The following MEFV variants were observed in gnomAD, a reference collection of about 807,000 sequenced individuals.
The protein encoded by MEFV is MEFV innate immunity regulator, pyrin.
MEFV carries 60 observed loss-of-function variants against 62.5 expected under a neutral mutation model. That is an observed-to-expected ratio of 0.96 (90% CI 0.78 to 1.19). MEFV has a LOEUF of 1.19. Ranked by LOEUF, MEFV falls within the 50% of genes most tolerant of loss-of-function variation. The pLI, the probability that MEFV is intolerant of heterozygous loss-of-function variation, is 0.00. For missense variants in MEFV, 1,169 were observed against 1,004.5 expected (o/e 1.16, Z -2.21); for synonymous variants, 500 against 415.2 (o/e 1.20, Z -2.48).
chr16:3,255,051 G>A (rs966668831), intron 1 of MEFV, among the ~76,000 whole-genome samples: 1 of 152,278 alleles, frequency 6.6e-6, no homozygotes, highest in African/African-American at 2.4e-5. Context: ...GCGTGGTGGC[G>A]CATGCCTGTA....
chr16:3,253,245 C>G (rs924988253), intron 2 of MEFV, among the ~76,000 whole-genome samples: 1 of 152,072 alleles, frequency 6.6e-6, no homozygotes, highest in African/African-American at 2.4e-5. Flanking sequence ...TGTTATAAGG[C>G]TAAAGGTCCC....
chr16:3,243,838 T>C, intron 9 of MEFV, 22 bp downstream of exon 9: 4 of 1,613,462 alleles, frequency 2.5e-6, no homozygotes, highest in Non-Finnish European at 3.4e-6. Flanking sequence ...CCAGGGCCAC[T>C]TGCCTTGATC....
chr16:3,251,780 A>G (rs540307403), intron 2 of MEFV, among the ~76,000 whole-genome samples: 48 of 152,172 alleles, frequency 3.2e-4, no homozygotes, highest in Non-Finnish European at 6.0e-4. Flanking sequence ...TTGGATTCTA[A>G]AGATGGTCTT....
chr16:3,253,931 G>A (rs1461721393), intron 2 of MEFV, among the ~76,000 whole-genome samples: 2 of 152,000 alleles, frequency 1.3e-5, no homozygotes, highest in Non-Finnish European at 2.9e-5. Context: ...GATTACAGGC[G>A]AGAGCTACCA....
intron 2 of MEFV, chr16:3,252,193 G>A (rs765392529): frequency 3.3e-4 from 61 of 182,232 alleles, no homozygotes; most frequent in Non-Finnish European, 6.1e-4. Context: ...AAGACCCAGG[G>A]ACTTCTGGAT....
chr16:3,249,578 G>GT lies in MEFV; in HGVS notation c.1112_1113insA (p.Leu372ProfsTer5). 1 of 1,614,226 alleles carries GT rather than the reference G, an allele frequency of 6.2e-7. No homozygotes were observed. Among genetic ancestry groups the GT allele is most frequent in the Non-Finnish European group, 8.5e-7 (1 of 1,180,040 alleles). ...TCAGGTGGCGCTTACACTGTGGCAG[G>GT]GGCTGGGGGCTTAGGCTTCCCGGGC... On this transcript the variant is annotated frameshift_variant, in exon 3 of 10. Coordinates refer to ENST00000219596, the MANE Select transcript of MEFV (RefSeq NM_000243.3). LOFTEE classifies it high-confidence loss of function.
chr16:3,245,385 C>T (rs170384), intron 6 of MEFV, among the ~76,000 whole-genome samples: 89,888 of 151,452 alleles, frequency 0.59, 26,986 homozygotes, highest in South Asian at 0.73. Context: ...CTCACGCCTG[C>T]AATCCCAGCG....
At chr16:3,244,373 C>G in intron 7 of MEFV, 87 bp from the exon 8 acceptor site, 2 of 1,606,682 alleles carry the variant, frequency 1.2e-6, no homozygotes, top group Non-Finnish European at 1.7e-6. Context: ...GGCAGGTCAG[C>G]AAGACCAGGG....
At chr16:3,245,370 G>T (rs986124622) in intron 6 of MEFV, among the ~76,000 whole-genome samples, 1 of 152,140 alleles carries the variant, frequency 6.6e-6, no homozygotes, top group Non-Finnish European at 1.5e-5. Context: ...GGCTGGGCAC[G>T]GTGGCTCACG....
chr16:3,254,916 C>T (rs982143301), intron 1 of MEFV, 126 bp from the exon 2 acceptor site: 36 of 1,486,378 alleles, frequency 2.4e-5, no homozygotes, highest in Non-Finnish European at 3.1e-5. Flanking sequence ...ACGGGCCGGG[C>T]GCGGTGGCTC....
At position 3,244,556 on chromosome 16, in the gene MEFV, G is replaced by C. The variant is rs550970304; in HGVS notation, c.1643C>G (p.Thr548Ser). ...CTTTTGTTTTATCTCTTGAGGAGTG[G>C]TCCACTTTTCAGGGACAGGCACTGT... ...AKTVPVPEKW[T>S]TPQEIKQKIQ... The change falls in exon 7 of 10, where the codon ACC becomes AGC. Residue 548 changes from threonine (T) to serine (S), a missense_variant. Physicochemically the swap from Thr to Ser is moderately conservative, Grantham distance 58. Coordinates refer to ENST00000219596, the MANE Select transcript of MEFV (RefSeq NM_000243.3). The C allele has an allele frequency of 6.2e-7, 1 of 1,614,112 alleles. No homozygotes were observed. Among genetic ancestry groups the C allele is most frequent in the East Asian group, 2.2e-5 (1 of 44,890 alleles).
chr16:3,250,476 G>C (rs1379687346), intron 2 of MEFV, among the ~76,000 whole-genome samples: 4 of 152,074 alleles, frequency 2.6e-5, no homozygotes, highest in African/African-American at 9.7e-5. Flanking sequence ...AGGTGTGGTG[G>C]TGCACACCTC....
chr16:3,251,296 G>C (rs2238406), intron 2 of MEFV, among the ~76,000 whole-genome samples: 5,181 of 152,208 alleles, frequency 0.034, 113 homozygotes, highest in Admixed American at 0.062. Context: ...TATGACCAAA[G>C]GGATGTAAAT....
rs557544409 is a variant in MEFV, at chr16:3,244,621, C to T, written c.1611-33G>A. ...CAAAAGACTGTTGACCAGAGAAGGCCGGAGCGAGGGGGTGGCCCAAGTACC... is the reference window on the plus strand; with the variant it reads ...CAAAAGACTGTTGACCAGAGAAGGCTGGAGCGAGGGGGTGGCCCAAGTACC... On this transcript the variant is annotated intron_variant, in intron 6 of 9. Coordinates refer to ENST00000219596, the MANE Select transcript of MEFV (RefSeq NM_000243.3). 831 of 1,561,384 alleles carry T rather than the reference C, an allele frequency of 5.3e-4. 13 individuals carry two copies. In the South Asian group the frequency reaches 8.2e-3, roughly 15 times the overall value.
chr16:3,249,057 G>C (rs1365176677), intron 3 of MEFV, 53 bp from the exon 4 acceptor site: 38 of 1,558,760 alleles, frequency 2.4e-5, no homozygotes, highest in Non-Finnish European at 3.1e-5. Flanking sequence ...GCCATCTTTA[G>C]CTGGTGCCAA....
intron 2 of MEFV, among the ~76,000 whole-genome samples, chr16:3,252,475 A>G (rs1197362519): frequency 1.3e-5 from 2 of 151,806 alleles, no homozygotes; most frequent in East Asian, 1.9e-4. Context: ...GCGTTTCACC[A>G]TGTTGGCAGG....
At position 3,244,503 on chromosome 16, in the gene MEFV, A is replaced by G. The variant is rs568376586; in HGVS notation, c.1696T>C (p.Phe566Leu). The change falls in exon 7 of 10, where the codon TTT becomes CTT. Residue 566 changes from phenylalanine to leucine, a missense_variant. Phe to Leu is a conservative substitution (Grantham distance 22). Transcript: ENST00000219596. ...AAGTACTTTGTGCTCTTCTCCACAAACTCTGACTTCTGGTGGAGGAGTTGG... is the reference window on the plus strand; with the variant it reads ...AAGTACTTTGTGCTCTTCTCCACAAGCTCTGACTTCTGGTGGAGGAGTTGG... ...KIQLLHQKSE[F>L]VEKSTKYFSE... The G allele has an allele frequency of 3.1e-6, 5 of 1,613,956 alleles. No individual in the cohort carries two copies. In the East Asian group the frequency reaches 8.9e-5, roughly 29 times the overall value.
intron 2 of MEFV, among the ~76,000 whole-genome samples, chr16:3,250,860 C>G (rs1399608977): frequency 6.6e-6 from 1 of 151,440 alleles, no homozygotes; most frequent in African/African-American, 2.4e-5. Flanking sequence ...CCTGTCTCTA[C>G]TAAAAATACA....
In MEFV at chr16:3,248,925, T is replaced by A. The variant is rs377706011; in HGVS notation, c.1340A>T (p.Lys447Met). The A allele has an allele frequency of 9.9e-6, 16 of 1,614,056 alleles. No individual in the cohort carries two copies. The highest frequency in any genetic ancestry group is 8.9e-5 in the East Asian group (4 of 44,900). The change falls in exon 4 of 10, where the codon AAG (lysine) becomes ATG (methionine). Residue 447 changes from lysine to methionine, a missense_variant. Coordinates refer to ENST00000219596, the MANE Select transcript of MEFV (RefSeq NM_000243.3). ...TGACCTTACCAGAAAGCTCACTGCC[T>A]TCTCCTCCCCATAGGATCGCTGCTC... is the stretch of plus-strand genomic sequence containing the variant. Reference protein sequence around the residue: ...GEEQRSYGEEKAVSFLKQTEA... With the variant: ...GEEQRSYGEEMAVSFLKQTEA...
Sources: allele counts gnomAD v4.1 joint callset (sites outside exome capture counted in the v4.1 genomes callset), GRCh38; gene constraint gnomAD v4.1.1; transcripts MANE v1.5; gene names NCBI Gene and HGNC (gene_info 2026-07-23, HGNC 2026-07-21).